PTPRD: variants seen among roughly 807,000 people sequenced by gnomAD.
PTPRD encodes receptor-type tyrosine-protein phosphatase delta.
PTPRD carries 34 observed loss-of-function variants against 214.5 expected under a neutral mutation model. The observed-to-expected ratio is 0.16, with a 90% CI of 0.12 to 0.21. The LOEUF is 0.21. Among genes scored for constraint, PTPRD ranks in the 10% least tolerant of loss-of-function variants. The pLI, the probability that PTPRD is intolerant of heterozygous loss-of-function variation, is 1.00. For synonymous variants in PTPRD, 1,128 were observed against 845.7 expected, an observed-to-expected ratio of 1.33 and a Z score of -5.79; for missense variants, 2,545 against 2,398.7, an observed-to-expected ratio of 1.06 and a Z score of -1.27.
At chr9:10,090,843 C>A (rs1196349377) in intron 3 of PTPRD, among the ~76,000 whole-genome samples, 1 of 146,944 alleles carries the variant, frequency 6.8e-6, no homozygotes, top group Non-Finnish European at 1.5e-5. Context: ...TATCAATCAC[C>A]ATGTAATATC....
At chr9:9,091,351 G>A in intron 10 of PTPRD, 1 of 728,522 alleles carries the variant, frequency 1.4e-6, no homozygotes, top group Non-Finnish European at 2.4e-6. Context: ...GTATTTTTCT[G>A]GAACTGTACA....
At chr9:8,460,812 C>A (rs1358383290) in intron 32 of PTPRD, among the ~76,000 whole-genome samples, 1 of 151,886 alleles carries the variant, frequency 6.6e-6, no homozygotes, top group Non-Finnish European at 1.5e-5. Flanking sequence ...TTTGATAGTA[C>A]AAATTACTTC....
chr9:9,614,992 G>C (rs2094767181), intron 7 of PTPRD, among the ~76,000 whole-genome samples: 1 of 152,080 alleles, frequency 6.6e-6, no homozygotes, highest in African/African-American at 2.4e-5. Context: ...AGGCACTGGG[G>C]AGAAATTGCA....
chr9:10,252,182 T>G (rs10119756), intron 3 of PTPRD, among the ~76,000 whole-genome samples: 182 of 125,676 alleles, frequency 1.4e-3, no homozygotes, highest in African/African-American at 3.3e-3. Context: ...TATGTCTTCT[T>G]TCTTTGAAGC....
intron 11 of PTPRD, among the ~76,000 whole-genome samples, chr9:8,957,617 T>C (rs2099138019): frequency 6.6e-6 from 1 of 151,874 alleles, no homozygotes; most frequent in South Asian, 2.1e-4. Flanking sequence ...TTAATCAGTT[T>C]TGCTCCTCAT....
At chr9:10,549,548 A>G (rs542054325) in intron 2 of PTPRD, among the ~76,000 whole-genome samples, 1 of 152,140 alleles carries the variant, frequency 6.6e-6, no homozygotes, top group Non-Finnish European at 1.5e-5. Context: ...ACGTAGCAAT[A>G]TAAGAGTCAG....
At chr9:10,177,310 T>C (rs2099254631) in intron 3 of PTPRD, among the ~76,000 whole-genome samples, 1 of 151,688 alleles carries the variant, frequency 6.6e-6, no homozygotes, top group East Asian at 1.9e-4. Context: ...TGAAGATGCC[T>C]AATAAATCCA....
intron 10 of PTPRD, among the ~76,000 whole-genome samples, chr9:9,145,011 T>G (rs2099866340): frequency 6.6e-6 from 1 of 152,180 alleles, no homozygotes; most frequent in African/African-American, 2.4e-5. Flanking sequence ...ATCAGCAAAG[T>G]AAAGGGGATA....
intron 9 of PTPRD, among the ~76,000 whole-genome samples, chr9:9,270,605 G>A (rs1469805743): frequency 6.6e-6 from 1 of 151,220 alleles, no homozygotes; most frequent in Non-Finnish European, 1.5e-5. Flanking sequence ...AAGGATTCCA[G>A]GAAAAATTTG....
chr9:9,686,508 C>A (rs1234187422), intron 7 of PTPRD, among the ~76,000 whole-genome samples: 1 of 151,272 alleles, frequency 6.6e-6, no homozygotes, highest in Non-Finnish European at 1.5e-5. Context: ...TAGATATTAT[C>A]TATTCACAGA....
chr9:10,200,800 A>C (rs955282249), intron 3 of PTPRD, among the ~76,000 whole-genome samples: 1 of 152,122 alleles, frequency 6.6e-6, no homozygotes, highest in African/African-American at 2.4e-5. Flanking sequence ...CTGAGGAAAA[A>C]TATAAACATA....
chr9:10,063,141 A>C (rs1175623333), intron 3 of PTPRD, among the ~76,000 whole-genome samples: 1 of 152,064 alleles, frequency 6.6e-6, no homozygotes, highest in Non-Finnish European at 1.5e-5. Flanking sequence ...CAGCAAGTAC[A>C]CTAATATGTT....
intron 7 of PTPRD, among the ~76,000 whole-genome samples, chr9:9,600,159 C>T (rs185326845): frequency 1.2e-3 from 184 of 152,068 alleles, no homozygotes; most frequent in African/African-American, 4.4e-3. Flanking sequence ...GATAGAGGTA[C>T]AAGAAAGCAT....
At chr9:8,775,657 T>C (rs903032380) in intron 11 of PTPRD, among the ~76,000 whole-genome samples, 2 of 152,182 alleles carry the variant, frequency 1.3e-5, no homozygotes, top group Non-Finnish European at 2.9e-5. Flanking sequence ...CATGATGCTC[T>C]GTTATCTCAA....
chr9:9,964,194 A>G (rs1041826943), intron 4 of PTPRD, among the ~76,000 whole-genome samples: 1 of 146,158 alleles, frequency 6.8e-6, no homozygotes, highest in Non-Finnish European at 1.5e-5. Context: ...ATTGGGGGAA[A>G]AAAGAATCAT....
intron 3 of PTPRD, among the ~76,000 whole-genome samples, chr9:10,234,630 T>C (rs974026384): frequency 2.3e-4 from 16 of 68,742 alleles, no homozygotes; most frequent in African/African-American, 8.9e-5. Context: ...TGGAAATGCA[T>C]TGCTAAATTT....
At chr9:10,446,965 G>T (rs2098804530) in intron 2 of PTPRD, among the ~76,000 whole-genome samples, 1 of 152,116 alleles carries the variant, frequency 6.6e-6, no homozygotes, top group Non-Finnish European at 1.5e-5. Flanking sequence ...AGTGCAAAGG[G>T]TATTTAGTGA....
At chr9:8,933,475 T>A (rs2098968695) in intron 11 of PTPRD, among the ~76,000 whole-genome samples, 1 of 151,666 alleles carries the variant, frequency 6.6e-6, no homozygotes, top group South Asian at 2.1e-4. Context: ...CTTACATGAG[T>A]ACATTTTATC....
At chr9:10,555,835 G>C (rs774937229) in intron 2 of PTPRD, among the ~76,000 whole-genome samples, 7 of 151,966 alleles carry the variant, frequency 4.6e-5, no homozygotes, top group Non-Finnish European at 7.4e-5. Flanking sequence ...TCAAGTAAAA[G>C]ACATTGTAAA....
Sources: allele counts gnomAD v4.1 joint callset (sites outside exome capture counted in the v4.1 genomes callset), GRCh38; gene constraint gnomAD v4.1.1; transcripts MANE v1.5; gene names NCBI Gene and HGNC (gene_info 2026-07-23, HGNC 2026-07-21).